COX7B2: variants seen among roughly 807,000 people sequenced by gnomAD.
COX7B2 encodes cytochrome c oxidase subunit 7B2, mitochondrial.
For missense variants in COX7B2, 109 were observed against 95.9 expected (o/e 1.14, Z -0.57); for synonymous variants, 37 against 32.1 (o/e 1.15, Z -0.51).
intron 2 of COX7B2, among the ~76,000 whole-genome samples, chr4:46,738,959 C>A (rs904154542): frequency 1.3e-5 from 2 of 151,992 alleles, no homozygotes; most frequent in South Asian, 4.1e-4. Flanking sequence ...TCTTAAAGTT[C>A]TTTCTGCAAA....
At chr4:46,873,093 T>A (rs9997648) in intron 1 of COX7B2, among the ~76,000 whole-genome samples, 58,588 of 151,442 alleles carry the variant, frequency 0.39, 11,438 homozygotes, top group South Asian at 0.49. Context: ...TGTTCTTGAG[T>A]TAGTTTCCTG....
chr4:46,775,927 C>T (rs1717130333), intron 2 of COX7B2, among the ~76,000 whole-genome samples: 1 of 152,134 alleles, frequency 6.6e-6, no homozygotes, highest in African/African-American at 2.4e-5. Flanking sequence ...AACGTTATTC[C>T]CAAGTTTCTA....
chr4:46,858,239 G>A (rs1199076201), intron 1 of COX7B2, among the ~76,000 whole-genome samples: 1 of 152,026 alleles, frequency 6.6e-6, no homozygotes, highest in Non-Finnish European at 1.5e-5. Context: ...GACTGCAAGT[G>A]CACACCACCA....
intron 2 of COX7B2, among the ~76,000 whole-genome samples, chr4:46,771,526 C>A (rs116770038): frequency 1.3e-5 from 2 of 151,852 alleles, no homozygotes; most frequent in African/African-American, 4.8e-5. Context: ...ATGCTTGGGA[C>A]CAGAGGTGTT....
chr4:46,908,768 G>A (rs927412952), intron 1 of COX7B2, among the ~76,000 whole-genome samples: 2 of 137,666 alleles, frequency 1.5e-5, no homozygotes, highest in African/African-American at 5.3e-5. Context: ...CTGGCCGGGC[G>A]CAGTGGCTCA....
rs374474009 is a variant in COX7B2 at position 46,735,225 on chromosome 4, A to G, written c.-33T>C. 1.2e-5 allele frequency: 20 copies of G among 1,609,222 alleles called. No individual in the cohort carries two copies. Among genetic ancestry groups the G allele is most frequent in the South Asian group, 3.3e-5 (3 of 90,064 alleles). On this transcript the variant is annotated 5_prime_UTR_variant, in exon 3 of 3. Transcript: ENST00000355591. ...TGCAGTTGCCTTCAGCTACTGGTCT[A>G]TTTTGTTGCAAAGAGGCTGGAAAGA...
At chr4:46,874,060 T>C (rs1718170509) in intron 1 of COX7B2, among the ~76,000 whole-genome samples, 1 of 152,190 alleles carries the variant, frequency 6.6e-6, no homozygotes, top group African/African-American at 2.4e-5. Flanking sequence ...AAAAATCTAT[T>C]GGCTTGCAGA....
At chr4:46,852,830 T>C (rs1487976047) in intron 1 of COX7B2, among the ~76,000 whole-genome samples, 1 of 152,052 alleles carries the variant, frequency 6.6e-6, no homozygotes, top group Non-Finnish European at 1.5e-5. Context: ...TGGAGATCTA[T>C]CTAGTGTCAC....
intron 1 of COX7B2, among the ~76,000 whole-genome samples, chr4:46,860,587 T>A (rs147327940): frequency 2.0e-5 from 3 of 152,280 alleles, no homozygotes; most frequent in African/African-American, 7.2e-5. Context: ...AAATGAAGTC[T>A]CTGGTTAGAT....
intron 1 of COX7B2, among the ~76,000 whole-genome samples, chr4:46,898,500 C>T (rs915079625): frequency 3.3e-5 from 5 of 152,176 alleles, no homozygotes; most frequent in Non-Finnish European, 7.3e-5. Flanking sequence ...TCACCGCAAC[C>T]TCATTCTCTT....
intron 2 of COX7B2, among the ~76,000 whole-genome samples, chr4:46,789,933 C>T (rs955555067): frequency 2.6e-5 from 4 of 151,734 alleles, no homozygotes; most frequent in Non-Finnish European, 5.9e-5. Context: ...AAAAGTGAGA[C>T]TCTCTCTGGA....
chr4:46,850,234 A>G (rs1288426985), intron 1 of COX7B2, among the ~76,000 whole-genome samples: 1 of 151,586 alleles, frequency 6.6e-6, no homozygotes, highest in Non-Finnish European at 1.5e-5. Context: ...ATAATTTAAA[A>G]TGATTTAAAA....
intron 2 of COX7B2, among the ~76,000 whole-genome samples, chr4:46,748,495 GT>G (rs1015748634): frequency 2.0e-5 from 3 of 152,056 alleles, no homozygotes; most frequent in Non-Finnish European, 2.9e-5. Context: ...AGGAATCCAG[GT>G]TCAGACAACT....
chr4:46,889,281 C>T (rs935319442), intron 1 of COX7B2, among the ~76,000 whole-genome samples: 6 of 152,170 alleles, frequency 3.9e-5, no homozygotes, highest in African/African-American at 1.2e-4. Context: ...TAACAACTGG[C>T]CTGGATTTCA....
At chr4:46,834,634 G>A (rs1234837815) in intron 2 of COX7B2, among the ~76,000 whole-genome samples, 2 of 151,938 alleles carry the variant, frequency 1.3e-5, no homozygotes, top group Admixed American at 1.3e-4. Context: ...ATTATTCCCC[G>A]ACACTTTCTT....
At chr4:46,847,080 G>A (rs1163221268) in intron 1 of COX7B2, among the ~76,000 whole-genome samples, 1 of 152,052 alleles carries the variant, frequency 6.6e-6, no homozygotes, top group Non-Finnish European at 1.5e-5. Flanking sequence ...TAGCCGTTGA[G>A]ATGTAAGAAG....
intron 1 of COX7B2, among the ~76,000 whole-genome samples, chr4:46,905,810 A>ATATTTT (rs1720343183): frequency 1.7e-5 from 1 of 60,444 alleles, no homozygotes; most frequent in Non-Finnish European, 3.4e-5. Flanking sequence ...ATAAGCATAT[A>ATATTTT]TTTCTTTTTT....
At chr4:46,839,913 T>A (rs189345380) in intron 2 of COX7B2, among the ~76,000 whole-genome samples, 28 of 152,186 alleles carry the variant, frequency 1.8e-4, no homozygotes, top group Non-Finnish European at 3.4e-4. Context: ...GAGAAACTTA[T>A]ACCATTAACT....
intron 2 of COX7B2, among the ~76,000 whole-genome samples, chr4:46,801,753 A>C (rs1320354013): frequency 6.6e-6 from 1 of 152,134 alleles, no homozygotes; most frequent in East Asian, 1.9e-4. Context: ...GAAGACAGAA[A>C]CAGGAGCAAA....
Sources: allele counts gnomAD v4.1 joint callset (sites outside exome capture counted in the v4.1 genomes callset), GRCh38; gene constraint gnomAD v4.1.1; transcripts MANE v1.5; gene names NCBI Gene and HGNC (gene_info 2026-07-23, HGNC 2026-07-21).